TJP2: variants seen among roughly 807,000 people sequenced by gnomAD.
TJP2 encodes the protein tight junction protein 2.
A neutral mutation model predicts 133.1 loss-of-function variants in TJP2; 91 were observed. The observed-to-expected ratio is 0.68, with a 90% confidence interval of 0.58 to 0.81. The LOEUF (loss-of-function observed/expected upper bound fraction) is 0.81, where lower values mean the gene tolerates loss of function less well. TJP2 is among the 40% of genes least tolerant of loss of function. The pLI is 0.00. For missense variants in TJP2, 1,541 were observed against 1,565.6 expected (o/e 0.98, Z 0.26); for synonymous variants, 592 against 583.4 (o/e 1.01, Z -0.21).
At chr9:69,226,219 G>A (rs764324362) in intron 7 of TJP2, 44 bp downstream of exon 7, 1 of 1,599,292 alleles carries the variant, frequency 6.3e-7, no homozygotes, top group Non-Finnish European at 8.6e-7. Flanking sequence ...AGTAAGGAAG[G>A]CTGTTGCTTC....
intron 1 of TJP2, among the ~76,000 whole-genome samples, chr9:69,137,343 A>G (rs1822821335): frequency 3.5e-5 from 2 of 57,140 alleles, no homozygotes; most frequent in South Asian, 4.7e-4. Context: ...TTTTTTTTTG[A>G]GACAGGGTTT....
At position 69,205,182 on chromosome 9, in the gene TJP2, A is replaced by G. The variant is rs1310233347; in HGVS notation, c.61-7366A>G. ...AGACCATGAAGACTGCTCAAGCCCTACATAGGATGTGGATCCAGGCTGTTA... is the reference window on the plus strand; with the variant it reads ...AGACCATGAAGACTGCTCAAGCCCTGCATAGGATGTGGATCCAGGCTGTTA... On this transcript the variant is annotated intron_variant, in intron 1 of 22. Transcript: ENST00000377245. 2.6e-6 allele frequency: 4 copies of G among 1,537,290 alleles called. No homozygotes were observed. The South Asian group carries it at 3.6e-5, about 14-fold the overall frequency.
Position 69,221,074 on chromosome 9 carries a change from G to C in TJP2, c.530G>C (p.Arg177Thr). 6.3e-7 allele frequency: 1 copy of C among 1,594,458 alleles called. No homozygotes were observed. Among genetic ancestry groups the C allele is most frequent in the Non-Finnish European group, 8.5e-7 (1 of 1,171,118 alleles). ...RSRSWEDSPE[R>T]GRPHERARSR... ...CGCAGCTGGGAGGACAGCCCGGAAA[G>C]GGGGCGTCCCCATGAGCGGGCCCGG... The change falls in exon 5 of 23, where the codon AGG becomes ACG. Residue 177 changes from arginine (R) to threonine (T), a missense_variant. Coordinates refer to ENST00000377245, the MANE Select transcript of TJP2 (RefSeq NM_004817.4).
At position 69,215,692 on chromosome 9, in the gene TJP2, T is replaced by C. The variant is rs1005284105; in HGVS notation, c.115-647T>C. On this transcript the variant is annotated intron_variant, in intron 2 of 22. Coordinates refer to ENST00000377245, the MANE Select transcript of TJP2 (RefSeq NM_004817.4). ...TGAGCCATGAGCCTAGGCAGAAGGT[T>C]TTTTTTTTTTTAATATGTCAAAACA... Among the ~76,000 whole-genome samples the C allele has an allele frequency of 6.0e-5, 9 of 149,350 alleles. No individual in the cohort carries two copies. In the East Asian group the frequency reaches 1.6e-3, roughly 26 times the overall value.
At chr9:69,159,586 T>A (rs764054754) in intron 2 of TJP2, among the ~76,000 whole-genome samples, 8 of 152,008 alleles carry the variant, frequency 5.3e-5, no homozygotes, top group Non-Finnish European at 1.0e-4. Context: ...AGAATAAATA[T>A]GGTAATAGTT....
chr9:69,223,357 G>T (rs1178638455), intron 5 of TJP2, among the ~76,000 whole-genome samples: 1 of 152,138 alleles, frequency 6.6e-6, no homozygotes, highest in Non-Finnish European at 1.5e-5. Flanking sequence ...GCCCAGGGTG[G>T]AGTGCAGTGG....
chr9:69,174,073 A>G (rs1296788418), upstream of TJP2: 3 of 1,107,822 alleles, frequency 2.7e-6, no homozygotes, highest in East Asian at 1.6e-4. Flanking sequence ...TCGCCGCAGG[A>G]GCCTCGAAGG....
rs150642596 is a variant in TJP2, at chr9:69,201,720, A to G, written c.61-10828A>G. Among the ~76,000 whole-genome samples the G allele has an allele frequency of 9.7e-3, 1,482 of 152,366 alleles. 19 individuals are homozygous for G. Among genetic ancestry groups the G allele is most frequent in the African/African-American group, 0.029 (1,209 of 41,580 alleles). On this transcript the variant is annotated intron_variant, in intron 1 of 22. Coordinates refer to ENST00000377245, the MANE Select transcript of TJP2 (RefSeq NM_004817.4). ...GAAAGTAACCCAAGTGTCTGTTGAC[A>G]GATGAGTGGATAAACAAAATATGTC... is the stretch of plus-strand genomic sequence containing the variant.
At chr9:69,153,013 C>T (rs1823562169) in intron 2 of TJP2, among the ~76,000 whole-genome samples, 1 of 151,034 alleles carries the variant, frequency 6.6e-6, no homozygotes, top group African/African-American at 2.4e-5. Flanking sequence ...CGCTTGAGGC[C>T]AAGAGTTTGA....
In TJP2 at chr9:69,237,937, T is replaced by C. The variant is rs886043789; in HGVS notation, c.2239T>C (p.Leu747=). ...GPIADIAMEK[L]ANELPDWFQT... ...CATAGCTGATATAGCAATGGAAAAATTGGCTAATGAGTTACCTGACTGGTT... is the reference window on the plus strand; with the variant it reads ...CATAGCTGATATAGCAATGGAAAAACTGGCTAATGAGTTACCTGACTGGTT... The change falls in exon 15 of 23, where the codon TTG becomes CTG. Residue 747 remains leucine (L), a synonymous_variant. Transcript: ENST00000377245. 6.2e-7 allele frequency: 1 copy of C among 1,613,782 alleles called. No individual in the cohort carries two copies. Among genetic ancestry groups the C allele is most frequent in the Non-Finnish European group, 8.5e-7 (1 of 1,179,868 alleles).
chr9:69,200,706 A>G (rs900238187), intron 1 of TJP2, among the ~76,000 whole-genome samples: 66 of 152,056 alleles, frequency 4.3e-4, no homozygotes, highest in Admixed American at 4.1e-3. Flanking sequence ...CTCGCTTCAC[A>G]TTTTATGTAG....
intron 15 of TJP2, 126 bp downstream of exon 15, chr9:69,238,099 C>T (rs1008346773): frequency 4.2e-6 from 3 of 720,178 alleles, no homozygotes; most frequent in Admixed American, 2.0e-5. Context: ...GACATTTTGT[C>T]ACGCATTTTC....
intron 1 of TJP2, among the ~76,000 whole-genome samples, chr9:69,184,900 C>T (rs958983849): frequency 2.0e-5 from 3 of 151,634 alleles, no homozygotes; most frequent in African/African-American, 7.3e-5. Context: ...CGGGCATGCG[C>T]CACCATACCT....
intron 1 of TJP2, among the ~76,000 whole-genome samples, chr9:69,205,889 G>T (rs1827361998): frequency 6.6e-6 from 1 of 152,088 alleles, no homozygotes; most frequent in East Asian, 1.9e-4. Flanking sequence ...CTGTTTTGGG[G>T]TTGGCTTTTA....
At chr9:69,151,529 G>C (rs1823479540) in intron 1 of TJP2, 1 of 964,608 alleles carries the variant, frequency 1.0e-6, no homozygotes, top group Non-Finnish European at 1.3e-6. Flanking sequence ...CTCTGTGAAG[G>C]TACTAAAAGC....
chr9:69,222,844 G>A lies in TJP2; in HGVS notation c.952+1348G>A, dbSNP rs149439767. Among the ~76,000 whole-genome samples, 208 of 151,914 alleles carry A rather than the reference G, an allele frequency of 1.4e-3. 3 individuals are homozygous for A. The East Asian group carries it at 0.034, about 25-fold the overall frequency. On this transcript the variant is annotated intron_variant, in intron 5 of 22. Transcript: ENST00000377245. Reference sequence around the variant, plus strand: ...AGCACTATGGGAGGCCGAGGTGGGCGGATGACTTGAGGTCAGGAGTTGGAG... The same window carrying A: ...AGCACTATGGGAGGCCGAGGTGGGCAGATGACTTGAGGTCAGGAGTTGGAG...
In TJP2 at chr9:69,122,827, G is replaced by A. The variant is rs74749405; in HGVS notation, c.-131+1102G>A. On this transcript the variant is annotated intron_variant, in intron 1 of 5. Transcript: ENST00000423935. Reference sequence around the variant, plus strand: ...AGGTCTTCTGTCCAGGTTTCTGAACGCATTTCCACAAACGTGGTCGGTAGG... The same window carrying A: ...AGGTCTTCTGTCCAGGTTTCTGAACACATTTCCACAAACGTGGTCGGTAGG... Among the ~76,000 whole-genome samples the A allele has an allele frequency of 2.8e-3, 428 of 152,270 alleles. 6 individuals are homozygous for A. The East Asian group carries it at 0.041, about 15-fold the overall frequency.
At chr9:69,212,642 T>C in intron 2 of TJP2, 41 bp downstream of exon 2, 1 of 1,509,160 alleles carries the variant, frequency 6.6e-7, no homozygotes, top group Non-Finnish European at 9.2e-7. Context: ...GTCATGTTCT[T>C]GATTTTACGG....
intron 5 of TJP2, among the ~76,000 whole-genome samples, chr9:69,222,938 G>A (rs963865151): frequency 1.3e-5 from 2 of 152,040 alleles, no homozygotes; most frequent in African/African-American, 4.8e-5. Context: ...GCGTGGTGGT[G>A]GGTGCCTGTA....
Sources: gnomAD v4.1 joint callset for allele counts (sites outside exome capture counted in the v4.1 genomes callset) on GRCh38, gnomAD v4.1.1 for gene constraint, MANE v1.5 for transcripts, NCBI Gene and HGNC (gene_info 2026-07-23, HGNC 2026-07-21) for gene names.